Variants in EIF4E2 observed in about 807,000 individuals in gnomAD.
EIF4E2 encodes the protein eukaryotic translation initiation factor 4E family member 2, also known as eukaryotic translation initiation factor 4E type 2.
A neutral mutation model predicts 34.2 loss-of-function variants in EIF4E2; 13 were observed. That is an observed-to-expected ratio of 0.38 (90% confidence interval 0.25 to 0.60). The LOEUF (loss-of-function observed/expected upper bound fraction) is 0.60, where lower values mean the gene tolerates loss of function less well. EIF4E2 is among the 20% of genes least tolerant of loss of function. The probability of loss-of-function intolerance (pLI) is 0.62; values close to 1 mark genes in which losing one functional copy is unlikely to be tolerated. For synonymous variants in EIF4E2, 100 were observed against 106.6 expected (o/e 0.94, Z 0.38); for missense variants, 222 against 315.1 (o/e 0.70, Z 2.24).
chr2:232,561,334 A>G (rs910461915), intron 3 of EIF4E2, among the ~76,000 whole-genome samples: 1 of 152,142 alleles, frequency 6.6e-6, no homozygotes, highest in Non-Finnish European at 1.5e-5. Context: ...TGTGAAAAAA[A>G]AAAGCATATA....
chr2:232,580,334 TAAAAAG>T (rs1693321620), intron 6 of EIF4E2, among the ~76,000 whole-genome samples: 1 of 152,030 alleles, frequency 6.6e-6, no homozygotes, highest in African/African-American at 2.4e-5. Flanking sequence ...GTGTGTTAGA[TAAAAAG>T]AAAGGGGGGG....
At chr2:232,580,822 C>A in intron 6 of EIF4E2, 1 of 1,290,904 alleles carries the variant, frequency 7.7e-7, no homozygotes, top group South Asian at 1.4e-5. Flanking sequence ...GCTGATGAGT[C>A]AGCATCCCCC....
At chr2:232,564,493 C>G (rs2106245821) in intron 4 of EIF4E2, 142 bp downstream of exon 4, 1 of 520,702 alleles carries the variant, frequency 1.9e-6, no homozygotes, top group Admixed American at 3.7e-5. Context: ...GCTCTGTCAC[C>G]CAGGCTGAGC....
At chr2:232,553,875 AAAAG>A (rs1692428318) in intron 1 of EIF4E2, 1 of 152,198 alleles carries the variant, frequency 6.6e-6, no homozygotes, top group Non-Finnish European at 1.5e-5. Context: ...CAAACCACTA[AAAAG>A]AAAGGAAGGT....
chr2:232,580,137 C>A (rs1463711667), intron 6 of EIF4E2, among the ~76,000 whole-genome samples: 1 of 149,512 alleles, frequency 6.7e-6, no homozygotes, highest in African/African-American at 2.5e-5. Context: ...CACACACTTT[C>A]AAGAATTAGA....
At chr2:232,550,936 C>T in intron 1 of EIF4E2, 192 bp downstream of exon 1, 1 of 652,098 alleles carries the variant, frequency 1.5e-6, no homozygotes, top group South Asian at 1.9e-5. Flanking sequence ...CCCGGAGACC[C>T]CAGGGCCGTC....
chr2:232,564,227 C>T lies in EIF4E2; in HGVS notation c.271-20C>T. ...AAGTAAAAGACACATGTTTTTTACT[C>T]TGGGGTCTTCTCTCTGCAGGTGGAG... On this transcript the variant is annotated intron_variant, in intron 3 of 6. Transcript: ENST00000258416. The T allele has an allele frequency of 6.5e-7, 1 of 1,535,186 alleles. No homozygotes were observed. The highest frequency in any genetic ancestry group is 1.9e-5 in the Admixed American group (1 of 51,474).
In EIF4E2 at chr2:232,581,427, T is replaced by G; in HGVS notation, c.*484T>G. 3.3e-6 allele frequency: 1 copy of G among 304,050 alleles called. No individual in the cohort carries two copies. Among genetic ancestry groups the G allele is most frequent in the South Asian group, 2.9e-5 (1 of 34,302 alleles). The allele number at this position is 304,050 out of a possible 1,614,324, so 18.8% of individuals were successfully genotyped here. On this transcript the variant is annotated 3_prime_UTR_variant, in exon 7 of 7. Coordinates refer to the EIF4E2 transcript ENST00000409098. This position sits in a 1 kb window ranked among gnomAD's most constrained non-coding sequence, Gnocchi z 5.2. ...TCTGCCATTAAATTATTGGGACATT[T>G]TGTTTCTTTCTCTCCCCTCCTCCAA...
chr2:232,551,172 TGGG>T (rs1692301152), intron 1 of EIF4E2: 1 of 507,136 alleles, frequency 2.0e-6, no homozygotes, highest in Non-Finnish European at 4.0e-6. Flanking sequence ...ATCTGCAGAG[TGGG>T]GACGGTAACA....
chr2:232,580,483 G>A (rs1037895390), intron 6 of EIF4E2, among the ~76,000 whole-genome samples: 24 of 152,246 alleles, frequency 1.6e-4, no homozygotes, highest in Middle Eastern at 3.4e-3. Flanking sequence ...ATGTATATAT[G>A]AGCAAGTATG....
chr2:232,558,097 C>A, intron 3 of EIF4E2, 79 bp downstream of exon 3: 1 of 1,530,322 alleles, frequency 6.5e-7, no homozygotes, highest in Middle Eastern at 1.8e-4. Context: ...ATTTACTTTC[C>A]TAGTAACCTA....
intron 1 of EIF4E2, 24 bp downstream of exon 1, chr2:232,550,768 G>T: frequency 6.4e-7 from 1 of 1,552,480 alleles, no homozygotes; most frequent in South Asian, 1.2e-5. Flanking sequence ...GGCCGCCCCC[G>T]GGGCCCCTTC....
downstream of EIF4E2, chr2:232,569,917 G>A (rs996047438): frequency 4.6e-5 from 7 of 152,242 alleles, no homozygotes; most frequent in African/African-American, 1.7e-4. Flanking sequence ...CGGACCCCTT[G>A]TGTGCTTTGT....
At chr2:232,553,121 CTGAA>C (rs1231977679) in intron 1 of EIF4E2, among the ~76,000 whole-genome samples, 2 of 152,196 alleles carry the variant, frequency 1.3e-5, no homozygotes, top group African/African-American at 4.8e-5. Context: ...CTCAACTTCT[CTGAA>C]TGAAACCTTT....
chr2:232,568,043 G>A, intron 6 of EIF4E2: 1 of 983,810 alleles, frequency 1.0e-6, no homozygotes, highest in Non-Finnish European at 1.2e-6. Flanking sequence ...CTGTAAAGTG[G>A]GAGACAGTAC....
intron 3 of EIF4E2, among the ~76,000 whole-genome samples, chr2:232,562,606 A>C (rs987686551): frequency 6.6e-6 from 1 of 152,074 alleles, no homozygotes; most frequent in Admixed American, 6.6e-5. Context: ...AACAAACAAA[A>C]AAAAGATTGT....
At chr2:232,560,124 G>A (rs1460182484) in intron 3 of EIF4E2, among the ~76,000 whole-genome samples, 1 of 152,208 alleles carries the variant, frequency 6.6e-6, no homozygotes, top group Non-Finnish European at 1.5e-5. Flanking sequence ...TGCGCCTAGA[G>A]GGGACATAGA....
intron 6 of EIF4E2, among the ~76,000 whole-genome samples, chr2:232,575,944 G>A (rs1232092252): frequency 1.3e-5 from 2 of 151,820 alleles, no homozygotes; most frequent in African/African-American, 2.4e-5. Flanking sequence ...AGTGGCTCAC[G>A]CCTGTAATCC....
Position 232,581,069 on chromosome 2 carries a change from G to A in EIF4E2, c.*126G>A. On this transcript the variant is annotated 3_prime_UTR_variant, in exon 7 of 7. Coordinates refer to the EIF4E2 transcript ENST00000409098. This position sits in a 1 kb window ranked among gnomAD's most constrained non-coding sequence, Gnocchi z 5.2. Reference sequence around the variant, plus strand: ...TCCCTGAGCCGTGCGCTCTCCTTTTGCACTCATTCCTGGAGGACGGATTCC... The same window carrying A: ...TCCCTGAGCCGTGCGCTCTCCTTTTACACTCATTCCTGGAGGACGGATTCC... 2.1e-6 allele frequency: 2 copies of A among 947,624 alleles called. No individual in the cohort carries two copies. Among genetic ancestry groups the A allele is most frequent in the Non-Finnish European group, 3.4e-6 (2 of 596,856 alleles). 58.7% of individuals were successfully genotyped at this position (947,624 alleles called of 1,614,324 possible). A position where few individuals can be genotyped will look rare whatever the true frequency, so the allele number is the denominator to read the frequency against.
Sources: allele counts gnomAD v4.1 joint callset (sites outside exome capture counted in the v4.1 genomes callset), GRCh38; gene constraint gnomAD v4.1.1; non-coding constraint Gnocchi (gnomAD v3.1); transcripts MANE v1.5; gene names NCBI Gene and HGNC (gene_info 2026-07-23, HGNC 2026-07-21).